The following ACTN2 variants were observed in gnomAD, a reference collection of about 807,000 sequenced individuals.
The protein encoded by ACTN2 is actinin alpha 2.
Under a neutral mutation model 113.8 loss-of-function variants are expected in ACTN2, and 39 were observed. The observed-to-expected ratio is 0.34, with a 90% CI of 0.27 to 0.45. The LOEUF (loss-of-function observed/expected upper bound fraction) is 0.45. ACTN2 is among the 20% of genes least tolerant of loss of function. The pLI is 1.00. For missense variants in ACTN2, 992 were observed against 1,177.9 expected (o/e 0.84, Z 2.31); for synonymous variants, 429 against 444.1 (o/e 0.97, Z 0.43).
At chr1:236,741,735 C>T (rs1266761535) in intron 10 of ACTN2, among the ~76,000 whole-genome samples, 11 of 152,158 alleles carry the variant, frequency 7.2e-5, no homozygotes, top group South Asian at 2.1e-4. Context: ...AACTGCTGAC[C>T]GGTTCTTCTT....
At chr1:236,736,961 C>T (rs568319355) in intron 8 of ACTN2, 161 bp from the exon 9 acceptor site, 25 of 657,100 alleles carry the variant, frequency 3.8e-5, no homozygotes, top group Middle Eastern at 8.0e-4. Flanking sequence ...ATTCATAGTA[C>T]GCATAAGCCA....
intron 18 of ACTN2, among the ~76,000 whole-genome samples, chr1:236,759,290 T>C (rs887094589): frequency 1.3e-5 from 2 of 152,214 alleles, no homozygotes; most frequent in African/African-American, 4.8e-5. Flanking sequence ...CTCTCACTCA[T>C]TGGGGCTACT....
intron 18 of ACTN2, among the ~76,000 whole-genome samples, chr1:236,758,999 A>G (rs11811121): frequency 0.043 from 6,587 of 152,290 alleles, 457 homozygotes; most frequent in African/African-American, 0.15. Context: ...GCAAATGTCC[A>G]TCAGTCGTTC....
chr1:236,734,464 A>C, intron 7 of ACTN2: 2 of 1,535,928 alleles, frequency 1.3e-6, no homozygotes, highest in Non-Finnish European at 1.7e-6. Flanking sequence ...CCGATGAAAG[A>C]GCCATAATGA....
rs367979371 is a variant in ACTN2, at chr1:236,686,656, C to A, written c.-18C>A. ...CGAGCCCCTCGCGCCCCGCCGCAGC[C>A]CCGGCCAACCGAGCGCCATGAACCA... is the stretch of plus-strand genomic sequence containing the variant. On this transcript the variant is annotated 5_prime_UTR_variant, in exon 1 of 21. Coordinates refer to ENST00000366578, the MANE Select transcript of ACTN2 (RefSeq NM_001103.4). 145 of 1,549,984 alleles carry A rather than the reference C, an allele frequency of 9.4e-5. No individual in the cohort carries two copies. Among genetic ancestry groups the A allele is most frequent in the Non-Finnish European group, 1.2e-4 (141 of 1,148,410 alleles).
At chr1:236,688,105 A>C (rs748363977) in intron 1 of ACTN2, among the ~76,000 whole-genome samples, 4 of 152,234 alleles carry the variant, frequency 2.6e-5, no homozygotes, top group Non-Finnish European at 5.9e-5. Flanking sequence ...CATGAGGATT[A>C]CTAATGTGTC....
At position 236,759,708 on chromosome 1, in the gene ACTN2, T is replaced by G. The variant is rs1416421742; in HGVS notation, c.2302-16T>G. On this transcript the variant is annotated splice_polypyrimidine_tract_variant and intron_variant, in intron 18 of 20. Coordinates refer to ENST00000366578, the MANE Select transcript of ACTN2 (RefSeq NM_001103.4). ...GCCCTGTGCTCACCTGCTCTGTCCT[T>G]TGTTTTTGCCAACAGAGGAAGAATG... The G allele has an allele frequency of 6.2e-7, 1 of 1,613,206 alleles. No homozygotes were observed. The highest frequency in any genetic ancestry group is 8.5e-7 in the Non-Finnish European group (1 of 1,179,134).
At chr1:236,695,170 C>T (rs1047795517) in intron 1 of ACTN2, among the ~76,000 whole-genome samples, 14 of 147,004 alleles carry the variant, frequency 9.5e-5, no homozygotes, top group Non-Finnish European at 1.3e-4. Flanking sequence ...AGTTTGAGAC[C>T]AGCCTGGCCA....
intron 4 of ACTN2, among the ~76,000 whole-genome samples, chr1:236,724,619 G>A (rs1235039115): frequency 6.6e-6 from 1 of 152,232 alleles, no homozygotes; most frequent in Non-Finnish European, 1.5e-5. Context: ...CCTGAGAGGA[G>A]TCTCACGTCG....
rs112284532 is a variant in ACTN2, at chr1:236,694,203, ATT to A, written c.126+7414_126+7415del. ...GGACTCACACAGAGTCTGCACTGAC[ATT>A]TTTTTTTTTCTTTTCTTTTTTTTTT... On this transcript the variant is annotated intron_variant, in intron 1 of 20. Transcript: ENST00000366578. Among the ~76,000 whole-genome samples the A allele has an allele frequency of 1.5e-3, 207 of 134,696 alleles. 3 individuals are homozygous for A. Among genetic ancestry groups the A allele is most frequent in the African/African-American group, 4.7e-3 (169 of 36,344 alleles). 88.4% of individuals were successfully genotyped at this position (134,696 alleles called of 152,430 possible). A position where few individuals can be genotyped will look rare whatever the true frequency, so the allele number is the denominator to read the frequency against.
At chr1:236,721,074 C>G in intron 4 of ACTN2, among the ~76,000 whole-genome samples, 1 of 116,038 alleles carries the variant, frequency 8.6e-6, no homozygotes, top group Non-Finnish European at 1.7e-5. Flanking sequence ...GGCACCCAGG[C>G]TGGAGTTCAG....
chr1:236,748,439 A>T (rs2102935569), intron 13 of ACTN2, among the ~76,000 whole-genome samples: 1 of 152,312 alleles, frequency 6.6e-6, no homozygotes, highest in South Asian at 2.1e-4. Flanking sequence ...CAGACATGTA[A>T]CAGAGACAGC....
At chr1:236,743,375 C>G (rs575686278) in intron 11 of ACTN2, among the ~76,000 whole-genome samples, 2 of 152,186 alleles carry the variant, frequency 1.3e-5, no homozygotes, top group South Asian at 4.1e-4. Context: ...TCAGATAGCC[C>G]TGGGCCAACC....
At chr1:236,742,185 T>C (rs1042939332) in intron 10 of ACTN2, among the ~76,000 whole-genome samples, 24 of 151,528 alleles carry the variant, frequency 1.6e-4, no homozygotes, top group African/African-American at 5.6e-4. Flanking sequence ...TTGACCCTGC[T>C]TTTTTTTTCC....
At position 236,763,285 on chromosome 1, in the gene ACTN2, C is replaced by G. The variant is rs1659762955; in HGVS notation, c.*666C>G. On this transcript the variant is annotated 3_prime_UTR_variant, in exon 21 of 21. Transcript: ENST00000366578. The stretch of plus-strand genomic sequence containing the variant: ...CAACTCAGTCAGTGATTTTTTGATG[C>G]TTCTCTTATCCTCCAGAATAGAGAC... 1 of 154,874 alleles carries G rather than the reference C, an allele frequency of 6.5e-6. No individual in the cohort carries two copies. Among genetic ancestry groups the G allele is most frequent in the South Asian group, 2.0e-4 (1 of 4,992 alleles). 9.6% of individuals were successfully genotyped at this position (154,874 alleles called of 1,614,324 possible).
rs1339776401 is a variant in ACTN2, at chr1:236,689,594, T to C, written c.126+2795T>C. Among the ~76,000 whole-genome samples the C allele has an allele frequency of 2.0e-5, 3 of 151,932 alleles. No homozygotes were observed. The East Asian group carries it at 5.8e-4, about 29-fold the overall frequency. ...AGGCTGGTCTTGAACTCCTGGCCAT[T>C]CTCCCACCTTGGCTTCTTAAAGTGC... On this transcript the variant is annotated intron_variant, in intron 1 of 20. Coordinates refer to ENST00000366578, the MANE Select transcript of ACTN2 (RefSeq NM_001103.4).
At chr1:236,758,596 T>TTTTTGTTTTGTTTTGTTTTG (rs71178352) in intron 18 of ACTN2, among the ~76,000 whole-genome samples, 4 of 146,236 alleles carry the variant, frequency 2.7e-5, no homozygotes, top group Admixed American at 1.4e-4. Context: ...GCCTTTTTTC[T>TTTTTGTTTTGTTTTGTTTTG]TTTTGTTTTG....
At position 236,744,677 on chromosome 1, in the gene ACTN2, A is replaced by C. The variant is rs199955427; in HGVS notation, c.1307A>C (p.Glu436Ala). Residue 436 changes from glutamate to alanine, a missense_variant, in exon 12 of 21, where the codon GAG becomes GCG. Glu to Ala is a moderately radical substitution (Grantham distance 107, BLOSUM62 -1). This residue lies in a region of ACTN2 where 736 missense variants were observed against 815.4 expected (regional missense o/e 0.90). Coordinates refer to ENST00000366578, the MANE Select transcript of ACTN2 (RefSeq NM_001103.4). ...GATTACGAGTCGGCGTCGCTGACAGAGGTGCGGGCTCTGCTGCGGAAGCAC... is the reference window on the plus strand; with the variant it reads ...GATTACGAGTCGGCGTCGCTGACAGCGGTGCGGGCTCTGCTGCGGAAGCAC... ...QKDYESASLT[E>A]VRALLRKHEA... 22 of 1,614,230 alleles carry C rather than the reference A, an allele frequency of 1.4e-5. No homozygotes were observed. In the East Asian group the frequency reaches 4.7e-4, roughly 34 times the overall value.
At chr1:236,692,940 T>C (rs1657319705) in intron 1 of ACTN2, among the ~76,000 whole-genome samples, 1 of 152,098 alleles carries the variant, frequency 6.6e-6, no homozygotes, top group African/African-American at 2.4e-5. Flanking sequence ...GTGAGGGTGC[T>C]ACCATGATGA....
Sources: allele counts gnomAD v4.1 joint callset (sites outside exome capture counted in the v4.1 genomes callset), GRCh38; gene constraint gnomAD v4.1.1; regional missense constraint gnomAD v4.1.1; transcripts MANE v1.5; gene names NCBI Gene and HGNC (gene_info 2026-07-23, HGNC 2026-07-21).